Variants in ISLR2 observed in about 807,000 individuals in gnomAD.
ISLR2 encodes immunoglobulin superfamily containing leucine-rich repeat protein 2.
Under a neutral mutation model 25.5 loss-of-function variants are expected in ISLR2, and 16 were observed. The ratio of observed to expected loss-of-function variants is 0.63; its 90% CI spans 0.43 to 0.95. The LOEUF (loss-of-function observed/expected upper bound fraction) is 0.95, where lower values mean the gene tolerates loss of function less well. Ranked by LOEUF, ISLR2 falls within the 40% of genes least tolerant of loss-of-function variation. ISLR2 has a pLI of 0.00. For missense variants in ISLR2, 883 were observed against 1,030.7 expected (o/e 0.86, Z 1.96); for synonymous variants, 508 against 486.6 (o/e 1.04, Z -0.58).
upstream of ISLR2, chr15:74,126,345 G>GTTTTTT (rs1228122616): frequency 2.8e-4 from 39 of 140,040 alleles, 2 homozygotes; most frequent in African/African-American, 1.1e-3. Flanking sequence ...AAAAGCATAG[G>GTTTTTT]TATTTTTTTT....
chr15:74,122,553 T>TA (rs1343258157), intron 2 of ISLR2, among the ~76,000 whole-genome samples: 1 of 152,222 alleles, frequency 6.6e-6, no homozygotes, highest in Admixed American at 6.5e-5. Context: ...CACCTTTGCT[T>TA]AGCTTCTTCC....
chr15:74,129,175 C>T, upstream of ISLR2: 1 of 398,794 alleles, frequency 2.5e-6, no homozygotes, highest in Non-Finnish European at 5.0e-6. This position sits in a 1 kb window ranked among gnomAD's most constrained non-coding sequence, Gnocchi z 4.5. Context: ...ATGCGATGGT[C>T]TCAGCCCGCT....
At chr15:74,115,855 T>A (rs750187216) in intron 2 of ISLR2, among the ~76,000 whole-genome samples, 60 of 145,362 alleles carry the variant, frequency 4.1e-4, no homozygotes, top group Non-Finnish European at 7.8e-4. Context: ...TAGAAAAATC[T>A]GAACATGATG....
At position 74,109,504 on chromosome 15, in the gene ISLR2, C is replaced by T. The variant is rs539720045; in HGVS notation, n.228+5590C>T. On this transcript the variant is annotated intron_variant and non_coding_transcript_variant, in intron 2 of 3. Transcript: ENST00000561975. ...CTTGTCACAGCCTCTGTGAGTGGGGCTCCTGCCCAAAAGTGTGCTGTGCCA... is the reference window on the plus strand; with the variant it reads ...CTTGTCACAGCCTCTGTGAGTGGGGTTCCTGCCCAAAAGTGTGCTGTGCCA... 2.4e-4 allele frequency among the ~76,000 whole-genome samples: 36 copies of T among 152,362 alleles called. No individual in the cohort carries two copies. The South Asian group carries it at 7.5e-3, about 32-fold the overall frequency.
At chr15:74,109,606 T>C (rs1595936597) in intron 2 of ISLR2, among the ~76,000 whole-genome samples, 1 of 152,132 alleles carries the variant, frequency 6.6e-6, no homozygotes, top group East Asian at 2.0e-4. Context: ...CTGTAGTGAA[T>C]GAGACCGATT....
chr15:74,118,544 A>T (rs1371722491), intron 2 of ISLR2, among the ~76,000 whole-genome samples: 1 of 152,166 alleles, frequency 6.6e-6, no homozygotes, highest in African/African-American at 2.4e-5. Flanking sequence ...TTTTTGGATA[A>T]TTATCACTAG....
chr15:74,133,712 G>A lies in ISLR2; in HGVS notation c.958G>A (p.Ala320Thr). The A allele has an allele frequency of 6.2e-7, 1 of 1,608,496 alleles. No homozygotes were observed. Among genetic ancestry groups the A allele is most frequent in the Non-Finnish European group, 8.5e-7 (1 of 1,177,444 alleles). The change falls in exon 3 of 3, where the codon GCA becomes ACA. Residue 320 changes from alanine (A) to threonine (T), a missense_variant. By Grantham distance (58) the Ala-to-Thr change is moderately conservative. This residue lies in a region of ISLR2 where 612 missense variants were observed against 642.8 expected (regional missense o/e 0.95). Coordinates refer to ENST00000453268, the MANE Select transcript of ISLR2 (RefSeq NM_020851.3). ...TQTQAQTPTP[A>T]PAWPAPPATP... ...GACCCAAGCCCAAACGCCGACTCCA[G>A]CACCCGCTTGGCCGGCGCCCCCAGC... is the stretch of plus-strand genomic sequence containing the variant.
upstream of ISLR2, among the ~76,000 whole-genome samples, chr15:74,124,417 G>A (rs1287015474): frequency 6.6e-6 from 1 of 152,056 alleles, no homozygotes; most frequent in East Asian, 1.9e-4. Context: ...GAGAGGCTGT[G>A]GCTTCGGAAA....
At chr15:74,128,568 G>T (rs1244742655), upstream of ISLR2, 1 of 456,688 alleles carries the variant, frequency 2.2e-6, no homozygotes, top group Admixed American at 2.3e-5. Context: ...GCAGTCCAGG[G>T]AAGCTCTGGG....
rs1302264439 is a variant in ISLR2 at position 74,136,738 on chromosome 15, C to T, written c.*1746C>T. The stretch of plus-strand genomic sequence containing the variant: ...CAAGCGCGGGCCTGGGACGGAGTAG[C>T]CCCCCGGAGCCCGTGCCCTTTTCTA... On this transcript the variant is annotated 3_prime_UTR_variant, in exon 3 of 3. Transcript: ENST00000453268. 3 of 167,064 alleles carry T rather than the reference C, an allele frequency of 1.8e-5. No homozygotes were observed. Among genetic ancestry groups the T allele is most frequent in the Non-Finnish European group, 2.9e-5 (2 of 68,216 alleles). The allele number at this position is 167,064 out of a possible 1,614,324, so 10.3% of individuals were successfully genotyped here.
chr15:74,116,581 A>G (rs1320186608), intron 2 of ISLR2, among the ~76,000 whole-genome samples: 2 of 152,236 alleles, frequency 1.3e-5, no homozygotes, highest in East Asian at 3.8e-4. Context: ...ACACAAAGGA[A>G]TGAAGACCAC....
downstream of ISLR2, among the ~76,000 whole-genome samples, chr15:74,139,227 C>A (rs542866767): frequency 2.0e-5 from 3 of 152,252 alleles, no homozygotes; most frequent in East Asian, 5.8e-4. Context: ...GTGTTGGAGG[C>A]CAAGGACCAG....
chr15:74,132,919 G>A lies in ISLR2; in HGVS notation c.165G>A (p.Thr55=). 1.2e-6 allele frequency: 2 copies of A among 1,614,082 alleles called. No homozygotes were observed. Among genetic ancestry groups the A allele is most frequent in the East Asian group, 2.2e-5 (1 of 44,880 alleles). Residue 55 remains threonine, a synonymous_variant, in exon 3 of 3, where the codon ACG becomes ACA. Coordinates refer to ENST00000453268, the MANE Select transcript of ISLR2 (RefSeq NM_020851.3). The surrounding 1 kb of genome is among the most constrained non-coding windows in gnomAD (Gnocchi z 4.3). ...AAGGACTGCCTGCCAACGTGACGAC[G>A]CTTAGTCTGTCCGCGAACAAGATCA... ...VPEGLPANVT[T]LSLSANKITV... is the part of the protein sequence containing the mutation.
Position 74,133,892 on chromosome 15 carries a change from C to T in ISLR2, c.1138C>T (p.His380Tyr). The change falls in exon 3 of 3, where the codon CAC (histidine) becomes TAC (tyrosine). Residue 380 changes from histidine (H) to tyrosine (Y), a missense_variant. His to Tyr is a moderately conservative substitution (Grantham distance 83). Transcript: ENST00000453268. Reference protein sequence around the residue: ...VAVAATGPPKHAPGAGGEPDG... With the variant: ...VAVAATGPPKYAPGAGGEPDG... ...GGTGGCAGCAACCGGGCCCCCAAAA[C>T]ACGCGCCTGGCGCCGGGGGAGAACC... is the stretch of plus-strand genomic sequence containing the variant. 1 of 1,608,002 alleles carries T rather than the reference C, an allele frequency of 6.2e-7. No individual in the cohort carries two copies. The highest frequency in any genetic ancestry group is 8.5e-7 in the Non-Finnish European group (1 of 1,177,480).
intron 2 of ISLR2, among the ~76,000 whole-genome samples, chr15:74,109,923 T>G (rs1041829724): frequency 6.6e-6 from 1 of 152,172 alleles, no homozygotes; most frequent in Non-Finnish European, 1.5e-5. Flanking sequence ...ACTTCCCAAG[T>G]AGCTGAAACC....
rs1476989450 is a variant in ISLR2 at position 74,115,182 on chromosome 15, A to C, written n.228+11268A>C. ...TCATAATACTTAGGAAATGGAAGAG[A>C]AGCTTTAGAAAAGTATTGCCTTAAT... On this transcript the variant is annotated intron_variant and non_coding_transcript_variant, in intron 2 of 3. Transcript: ENST00000561975. Among the ~76,000 whole-genome samples, 10 of 152,348 alleles carry C rather than the reference A, an allele frequency of 6.6e-5. No individual in the cohort carries two copies. The East Asian group carries it at 1.9e-3, about 29-fold the overall frequency.
At chr15:74,102,988 AGTAGAG>A (rs1298460790) in intron 1 of ISLR2, among the ~76,000 whole-genome samples, 2 of 151,332 alleles carry the variant, frequency 1.3e-5, no homozygotes, top group Non-Finnish European at 2.9e-5. Context: ...TTGTATTTTT[AGTAGAG>A]ACAGGGTTTC....
intron 1 of ISLR2, chr15:74,100,602 C>CA (rs1240322365): frequency 1.0e-4 from 15 of 146,288 alleles, no homozygotes; most frequent in African/African-American, 3.4e-4. Context: ...CGGGCTGTGG[C>CA]AAAAAACATT....
chr15:74,112,367 A>G (rs886659355), intron 2 of ISLR2, among the ~76,000 whole-genome samples: 1 of 152,192 alleles, frequency 6.6e-6, no homozygotes, highest in Non-Finnish European at 1.5e-5. Context: ...AGTATGTACC[A>G]TGCATATTTA....
Sources: gnomAD v4.1 joint callset for allele counts (sites outside exome capture counted in the v4.1 genomes callset) on GRCh38, gnomAD v4.1.1 for gene constraint, gnomAD v4.1.1 regional missense constraint, Gnocchi (gnomAD v3.1) non-coding constraint, MANE v1.5 for transcripts, NCBI Gene and HGNC (gene_info 2026-07-23, HGNC 2026-07-21) for gene names.